The following HTR3B variants were observed in gnomAD, a reference collection of about 807,000 sequenced individuals.
HTR3B encodes the protein 5-hydroxytryptamine (serotonin) receptor 3B, ionotropic.
HTR3B carries 44 observed loss-of-function variants against 42.8 expected under a neutral mutation model. The ratio of observed to expected loss-of-function variants is 1.03; its 90% CI spans 0.81 to 1.32. The LOEUF is 1.32. HTR3B is among the 40% of genes most tolerant of loss of function. The pLI is 0.00. For missense variants in HTR3B, 527 were observed against 536.5 expected, an observed-to-expected ratio of 0.98 and a Z score of 0.17; for synonymous variants, 203 against 209.0, an observed-to-expected ratio of 0.97 and a Z score of 0.25.
At chr11:113,945,545 C>G (rs942096308) in intron 8 of HTR3B, among the ~76,000 whole-genome samples, 1 of 152,194 alleles carries the variant, frequency 6.6e-6, no homozygotes, top group Non-Finnish European at 1.5e-5. Context: ...ATACAAGGAG[C>G]TTGTGTACAT....
intron 6 of HTR3B, among the ~76,000 whole-genome samples, chr11:113,936,301 C>T (rs961031111): frequency 5.3e-5 from 8 of 152,046 alleles, no homozygotes; most frequent in African/African-American, 2.4e-5. Context: ...GAAACTAAAC[C>T]GAGCCCAACC....
intron 2 of HTR3B, among the ~76,000 whole-genome samples, chr11:113,930,464 A>T: frequency 6.8e-6 from 1 of 146,252 alleles, no homozygotes; most frequent in Non-Finnish European, 1.5e-5. Context: ...AAAATTGGTG[A>T]GGAGGGTTTT....
chr11:113,925,417 G>GTT (rs201996305), intron 2 of HTR3B, among the ~76,000 whole-genome samples: 185 of 100,724 alleles, frequency 1.8e-3, no homozygotes, highest in Middle Eastern at 0.012. Context: ...TTACGAATTT[G>GTT]TTTTTTTTTT....
chr11:113,908,332 C>T (rs912364196), intron 1 of HTR3B, among the ~76,000 whole-genome samples: 16 of 152,178 alleles, frequency 1.1e-4, no homozygotes, highest in African/African-American at 3.6e-4. Context: ...CTGGATCCCT[C>T]ATACCTTTGG....
intron 2 of HTR3B, among the ~76,000 whole-genome samples, chr11:113,917,776 T>C (rs186555236): frequency 2.4e-4 from 36 of 152,238 alleles, no homozygotes; most frequent in African/African-American, 8.4e-4. Context: ...AGCTGGTTTT[T>C]GTATTTTTGG....
chr11:113,906,183 AT>A (rs1391573948), intron 1 of HTR3B, among the ~76,000 whole-genome samples: 1 of 152,192 alleles, frequency 6.6e-6, no homozygotes, highest in Non-Finnish European at 1.5e-5. Context: ...CATTCCGTGG[AT>A]ACTTGTTGCA....
At chr11:113,914,953 G>A (rs1228825137) in intron 2 of HTR3B, among the ~76,000 whole-genome samples, 1 of 152,124 alleles carries the variant, frequency 6.6e-6, no homozygotes, top group Non-Finnish European at 1.5e-5. Context: ...TCTTGTGTCA[G>A]TTTTGCTAAT....
upstream of HTR3B, among the ~76,000 whole-genome samples, chr11:113,903,311 G>A (rs911904685): frequency 6.6e-6 from 1 of 152,168 alleles, no homozygotes; most frequent in Non-Finnish European, 1.5e-5. Context: ...AGCTAGGTGT[G>A]CTTGTTACTA....
intron 2 of HTR3B, among the ~76,000 whole-genome samples, chr11:113,929,195 A>T (rs141895545): frequency 3.8e-3 from 576 of 152,346 alleles, no homozygotes; most frequent in African/African-American, 0.012. Flanking sequence ...CTGCTTTTTA[A>T]AAAACAGTCG....
In HTR3B at chr11:113,948,279, C is replaced by T. The variant is rs1950194151; in HGVS notation, c.*2142C>T. Among the ~76,000 whole-genome samples, 1 of 152,150 alleles carries T rather than the reference C, an allele frequency of 6.6e-6. No homozygotes were observed. Among genetic ancestry groups the T allele is most frequent in the Admixed American group, 6.5e-5 (1 of 15,268 alleles). ...CATCCATGTCGATTCTGGCTTTCTC[C>T]ACTTCCTCCTCCAGTTAACAGAGGA... On this transcript the variant is annotated 3_prime_UTR_variant, in exon 9 of 9. Transcript: ENST00000260191.
chr11:113,936,117 C>T (rs1356191648), intron 6 of HTR3B, among the ~76,000 whole-genome samples: 1 of 152,154 alleles, frequency 6.6e-6, no homozygotes, highest in Non-Finnish European at 1.5e-5. Context: ...GGGGAGGTTT[C>T]CTCCAATATA....
At position 113,946,677 on chromosome 11, in the gene HTR3B, C is replaced by A. The variant is rs1484703617; in HGVS notation, c.*540C>A. On this transcript the variant is annotated 3_prime_UTR_variant, in exon 9 of 9. Coordinates refer to ENST00000260191, the MANE Select transcript of HTR3B (RefSeq NM_006028.5). ...AGTATACAGTAAAAAAGTAAACTTT[C>A]CTTCTTATCCCAGTCCACTCACCCA... 6.6e-6 allele frequency: 1 copy of A among 152,258 alleles called. No homozygotes were observed. The highest frequency in any genetic ancestry group is 1.5e-5 in the Non-Finnish European group (1 of 68,114). The allele number at this position is 152,258 out of a possible 1,614,324, so 9.4% of individuals were successfully genotyped here. A position where few individuals can be genotyped will look rare whatever the true frequency, so the allele number is the denominator to read the frequency against.
At chr11:113,915,213 T>TTTTGC (rs1478538959) in intron 2 of HTR3B, among the ~76,000 whole-genome samples, 2 of 152,330 alleles carry the variant, frequency 1.3e-5, no homozygotes, top group South Asian at 2.1e-4. Context: ...TTTTGTTTTG[T>TTTTGC]TTTGCTTTGA....
intron 6 of HTR3B, among the ~76,000 whole-genome samples, chr11:113,935,984 T>A (rs530995635): frequency 6.6e-6 from 1 of 152,254 alleles, no homozygotes; most frequent in East Asian, 1.9e-4. Context: ...ACAAATTGTT[T>A]ATCAGAGGAC....
At chr11:113,942,589 A>T (rs1950144651) in intron 6 of HTR3B, among the ~76,000 whole-genome samples, 1 of 152,246 alleles carries the variant, frequency 6.6e-6, no homozygotes, top group African/African-American at 2.4e-5. Context: ...TTTGAAACTC[A>T]GTTTCCTGGT....
intron 2 of HTR3B, among the ~76,000 whole-genome samples, chr11:113,912,484 C>G (rs926177979): frequency 6.6e-6 from 1 of 152,074 alleles, no homozygotes; most frequent in Non-Finnish European, 1.5e-5. Context: ...ACCTCGTGAT[C>G]CACCCGCCTC....
upstream of HTR3B, among the ~76,000 whole-genome samples, chr11:113,903,020 C>T (rs12099087): frequency 0.017 from 2,587 of 152,248 alleles, 66 homozygotes; most frequent in African/African-American, 0.058. Context: ...AGGAGTGCAC[C>T]ACCACATTAA....
chr11:113,909,116 C>T, intron 1 of HTR3B, 179 bp from the exon 2 acceptor site: 1 of 609,538 alleles, frequency 1.6e-6, no homozygotes. Flanking sequence ...GCACTTAGGC[C>T]ATCAGCTTAC....
chr11:113,927,017 G>A (rs1027430031), intron 2 of HTR3B, among the ~76,000 whole-genome samples: 3 of 152,180 alleles, frequency 2.0e-5, no homozygotes, highest in African/African-American at 4.8e-5. Context: ...ATGATGGTGA[G>A]CGTCTTTTCA....
Sources: gnomAD v4.1 joint callset for allele counts (sites outside exome capture counted in the v4.1 genomes callset) on GRCh38, gnomAD v4.1.1 for gene constraint, MANE v1.5 for transcripts, NCBI Gene and HGNC (gene_info 2026-07-23, HGNC 2026-07-21) for gene names.